The following RRM2 variants were observed in gnomAD, a reference collection of about 807,000 sequenced individuals.
The protein encoded by RRM2 is ribonucleoside-diphosphate reductase subunit M2.
RRM2 carries 6 observed loss-of-function variants against 45.9 expected under a neutral mutation model. The ratio of observed to expected loss-of-function variants is 0.13; its 90% CI spans 0.07 to 0.26. The LOEUF (loss-of-function observed/expected upper bound fraction) is 0.26, where lower values mean the gene tolerates loss of function less well. Among genes scored for constraint, RRM2 ranks in the 10% least tolerant of loss-of-function variants. The pLI is 1.00. For missense variants in RRM2, 343 were observed against 489.5 expected, an observed-to-expected ratio of 0.70 and a Z score of 2.82; for synonymous variants, 177 against 173.0, an observed-to-expected ratio of 1.02 and a Z score of -0.18.
intron 3 of RRM2, among the ~76,000 whole-genome samples, chr2:10,199,595 C>T (rs1402498486): frequency 1.3e-5 from 2 of 151,688 alleles, no homozygotes; most frequent in Non-Finnish European, 2.9e-5. Context: ...TCCTGGCTAA[C>T]ACAGTGAAAC....
At chr2:10,164,340 C>A (rs568186774) in intron 3 of RRM2, among the ~76,000 whole-genome samples, 1 of 152,324 alleles carries the variant, frequency 6.6e-6, no homozygotes, top group African/African-American at 2.4e-5. Context: ...ATCATATCAT[C>A]TATCCACATC....
intron 3 of RRM2, among the ~76,000 whole-genome samples, chr2:10,174,582 A>C (rs904080427): frequency 6.6e-6 from 1 of 151,822 alleles, no homozygotes; most frequent in African/African-American, 2.4e-5. Flanking sequence ...CTTAAAAAAA[A>C]AAAAAAAAGG....
chr2:10,134,282 C>G (rs1662952807), downstream of RRM2, among the ~76,000 whole-genome samples: 1 of 151,962 alleles, frequency 6.6e-6, no homozygotes, highest in African/African-American at 2.4e-5. Context: ...CTTGTAGCAG[C>G]TCTCCGAGTG....
intron 3 of RRM2, among the ~76,000 whole-genome samples, chr2:10,201,127 G>T (rs1243901337): frequency 2.1e-5 from 3 of 140,046 alleles, no homozygotes; most frequent in Non-Finnish European, 4.6e-5. Flanking sequence ...CCAGCCTGGG[G>T]AACAGAGCAA....
chr2:10,140,337 G>T (rs977556460), upstream of RRM2, among the ~76,000 whole-genome samples: 1 of 152,220 alleles, frequency 6.6e-6, no homozygotes, highest in Non-Finnish European at 1.5e-5. Flanking sequence ...AAATAGCTTC[G>T]TTGGGGCGCA....
chr2:10,132,661 G>A (rs548926977), downstream of RRM2, among the ~76,000 whole-genome samples: 2 of 152,186 alleles, frequency 1.3e-5, no homozygotes, highest in Non-Finnish European at 2.9e-5. Flanking sequence ...ATGGTATCTT[G>A]GGTAAAAGTG....
chr2:10,200,641 A>ATCTAAG (rs1664544031), intron 3 of RRM2, among the ~76,000 whole-genome samples: 1 of 94,210 alleles, frequency 1.1e-5, no homozygotes, highest in African/African-American at 4.3e-5. Context: ...TGAGGCCCAC[A>ATCTAAG]GGCACCGCGC....
intron 5 of RRM2, among the ~76,000 whole-genome samples, chr2:10,125,263 G>A (rs1258166650): frequency 6.6e-6 from 1 of 152,188 alleles, no homozygotes; most frequent in Non-Finnish European, 1.5e-5. Flanking sequence ...CTTAGTAGGA[G>A]TTACATAAGG....
chr2:10,126,972 A>G lies in RRM2; in HGVS notation c.664+3A>G. ...TGGGGACAAAGAGGCTACCTATGGT[A>G]AGGAGACCCTTGCCCCTACTTAAAC... On this transcript the variant is annotated splice_donor_region_variant and intron_variant, in intron 6 of 9. Coordinates refer to ENST00000304567, the MANE Select transcript of RRM2 (RefSeq NM_001034.4). The G allele has an allele frequency of 6.2e-7, 1 of 1,613,914 alleles. No homozygotes were observed. Among genetic ancestry groups the G allele is most frequent in the Non-Finnish European group, 8.5e-7 (1 of 1,179,824 alleles).
intron 3 of RRM2, among the ~76,000 whole-genome samples, chr2:10,180,568 C>A (rs4669549): frequency 0.25 from 37,330 of 152,024 alleles, 5,113 homozygotes; most frequent in East Asian, 0.51. Context: ...CTTCTCCCCT[C>A]TGGATGAACC....
chr2:10,177,699 CTTCCTTCCTCT>C (rs1558398440), intron 3 of RRM2, among the ~76,000 whole-genome samples: 1 of 149,156 alleles, frequency 6.7e-6, no homozygotes, highest in African/African-American at 2.6e-5. Context: ...TCCTTCCTTC[CTTCCTTCCTCT>C]CTCCCTCCCT....
At chr2:10,132,296 G>C (rs1221691313), downstream of RRM2, among the ~76,000 whole-genome samples, 2 of 152,206 alleles carry the variant, frequency 1.3e-5, no homozygotes, top group Non-Finnish European at 2.9e-5. Flanking sequence ...TCTGGAGCTT[G>C]GGTTTACTCC....
At chr2:10,166,814 AC>A (rs1663692504) in intron 3 of RRM2, among the ~76,000 whole-genome samples, 1 of 152,000 alleles carries the variant, frequency 6.6e-6, no homozygotes, top group Non-Finnish European at 1.5e-5. Context: ...TGTCCTAAGC[AC>A]TCCACAAGCA....
In RRM2 at chr2:10,150,916, C is replaced by T. The variant is rs201732794; in HGVS notation, n.482+8541C>T. Among the ~76,000 whole-genome samples the T allele has an allele frequency of 2.0e-5, 3 of 151,872 alleles. No individual in the cohort carries two copies. In the South Asian group the frequency reaches 6.2e-4, roughly 32 times the overall value. ...GCAACCTCCACCTCCTGGGTTCAAG[C>T]GATTCTCCTGCCTCAGCCTCCCAAG... On this transcript the variant is annotated intron_variant and non_coding_transcript_variant, in intron 3 of 3. Transcript: ENST00000381786.
rs7568095 is a variant in RRM2, at chr2:10,200,623, G to A, written n.483-9688G>A. ...TATGAGGCCCACAGGGACCGCGCGC[G>A]CAAAATATGAGGCCCACAGGCACCG... On this transcript the variant is annotated intron_variant and non_coding_transcript_variant, in intron 3 of 3. Transcript: ENST00000381786. 8.0e-4 allele frequency among the ~76,000 whole-genome samples: 41 copies of A among 51,360 alleles called. 3 individuals are homozygous for A. Among genetic ancestry groups the A allele is most frequent in the African/African-American group, 2.2e-3 (28 of 12,674 alleles). The allele number at this position is 51,360 out of a possible 152,430, so 33.7% of individuals were successfully genotyped here.
At chr2:10,153,061 G>A (rs1663349663) in intron 3 of RRM2, among the ~76,000 whole-genome samples, 2 of 152,110 alleles carry the variant, frequency 1.3e-5, no homozygotes, top group Admixed American at 1.3e-4. Context: ...GCCGGGTGTG[G>A]TGGCTCATGC....
At chr2:10,202,132 A>G (rs1242875137) in intron 3 of RRM2, among the ~76,000 whole-genome samples, 1 of 152,198 alleles carries the variant, frequency 6.6e-6, no homozygotes, top group Non-Finnish European at 1.5e-5. Context: ...CTTTTAGCCA[A>G]TATGTTTACA....
upstream of RRM2, among the ~76,000 whole-genome samples, chr2:10,138,463 G>C (rs1369710996): frequency 6.6e-6 from 1 of 151,910 alleles, no homozygotes. Flanking sequence ...CACTGTGCCT[G>C]GCCAATTTTT....
At chr2:10,199,556 C>T (rs377409012) in intron 3 of RRM2, among the ~76,000 whole-genome samples, 18 of 151,690 alleles carry the variant, frequency 1.2e-4, no homozygotes, top group South Asian at 8.3e-4. Flanking sequence ...CCGAGGTGGG[C>T]GGATCACAAG....
Sources: allele counts gnomAD v4.1 joint callset (sites outside exome capture counted in the v4.1 genomes callset), GRCh38; gene constraint gnomAD v4.1.1; transcripts MANE v1.5; gene names NCBI Gene and HGNC (gene_info 2026-07-23, HGNC 2026-07-21).